The following ZXDC variants were observed in gnomAD, a reference collection of about 807,000 sequenced individuals.
ZXDC encodes the protein zinc finger protein ZXDC.
A neutral mutation model predicts 63.6 loss-of-function variants in ZXDC; 58 were observed. The observed-to-expected ratio is 0.91, with a 90% CI of 0.74 to 1.13. The LOEUF (loss-of-function observed/expected upper bound fraction) is 1.13. Among genes scored for constraint, ZXDC ranks in the 50% most tolerant of loss-of-function variants. ZXDC has a pLI of 0.00. For missense variants in ZXDC, 1,133 were observed against 1,148.9 expected, an observed-to-expected ratio of 0.99 and a Z score of 0.20; for synonymous variants, 561 against 496.1, an observed-to-expected ratio of 1.13 and a Z score of -1.74.
rs900509261 is a variant in ZXDC, at chr3:126,475,113, C to G, written c.753G>C (p.Thr251=). The G allele has an allele frequency of 1.2e-6, 2 of 1,610,684 alleles. No individual in the cohort carries two copies. The highest frequency in any genetic ancestry group is 1.7e-6 in the Non-Finnish European group (2 of 1,178,510). Residue 251 remains threonine, a synonymous_variant, in exon 1 of 10, where the codon ACG becomes ACC. Transcript: ENST00000389709. ...PVGGCGKKFT[T]VYNLKAHMKG... is the part of the protein sequence containing the mutation. Reference sequence around the variant, plus strand: ...TCATGTGCGCCTTGAGGTTATAGACCGTAGTGAACTTCTTGCCACAGCCGC... The same window carrying G: ...TCATGTGCGCCTTGAGGTTATAGACGGTAGTGAACTTCTTGCCACAGCCGC...
chr3:126,461,394 C>T, intron 6 of ZXDC, 141 bp downstream of exon 6: 1 of 1,424,904 alleles, frequency 7.0e-7, no homozygotes, highest in Non-Finnish European at 9.2e-7. Flanking sequence ...AAGAACTTGT[C>T]AGTTCCAGAC....
intron 7 of ZXDC, among the ~76,000 whole-genome samples, chr3:126,449,643 T>C (rs1410325805): frequency 4.6e-5 from 7 of 152,198 alleles, no homozygotes; most frequent in South Asian, 4.1e-4. Flanking sequence ...CTTTGTTAAA[T>C]AGAAGTTTCC....
chr3:126,471,518 T>C (rs800948), intron 3 of ZXDC, among the ~76,000 whole-genome samples: 137,681 of 152,090 alleles, frequency 0.91, 62,776 homozygotes, highest in East Asian at 0.99. Context: ...GAAAAACCAC[T>C]GAATCTCTCC....
At chr3:126,452,624 T>C (rs909165447) in intron 7 of ZXDC, 5 of 941,046 alleles carry the variant, frequency 5.3e-6, no homozygotes, top group Non-Finnish European at 5.1e-6. Context: ...TCTCAAGCTA[T>C]CTGATTAAGC....
intron 4 of ZXDC, among the ~76,000 whole-genome samples, chr3:126,467,883 TACA>T (rs1934836020): frequency 6.6e-6 from 1 of 152,188 alleles, no homozygotes; most frequent in African/African-American, 2.4e-5. Flanking sequence ...AGGGCCACGC[TACA>T]ACAGGACCCT....
At chr3:126,459,917 CT>C in intron 6 of ZXDC, 180 bp from the exon 7 acceptor site, 1 of 985,472 alleles carries the variant, frequency 1.0e-6, no homozygotes, top group Non-Finnish European at 1.2e-6. Flanking sequence ...GCCGAACAAA[CT>C]TGGAGCTGGA....
chr3:126,437,837 G>C lies in ZXDC; in HGVS notation c.*538C>G, dbSNP rs2107622788. ...TCCCCCGAAAACTAGCTGCCCGACT[G>C]CTCTACCAGACTTGGGCTAGAATTT... On this transcript the variant is annotated 3_prime_UTR_variant, in exon 10 of 10. Transcript: ENST00000389709. 1 of 156,054 alleles carries C rather than the reference G, an allele frequency of 6.4e-6. No homozygotes were observed. The highest frequency in any genetic ancestry group is 3.4e-3 in the Middle Eastern group (1 of 296). 9.7% of individuals were successfully genotyped at this position (156,054 alleles called of 1,614,324 possible).
At chr3:126,441,003 G>C (rs1001229778) in intron 8 of ZXDC, 1 of 985,460 alleles carries the variant, frequency 1.0e-6, no homozygotes, top group Admixed American at 6.1e-5. Context: ...AATCTACAAA[G>C]TGGAGTGGTG....
chr3:126,445,387 A>G (rs925885558), intron 7 of ZXDC, among the ~76,000 whole-genome samples: 1 of 151,962 alleles, frequency 6.6e-6, no homozygotes, highest in Non-Finnish European at 1.5e-5. Flanking sequence ...CCCTAGACAC[A>G]TCTCTGCACA....
At chr3:126,455,979 G>C (rs1410589998) in intron 7 of ZXDC, among the ~76,000 whole-genome samples, 1 of 150,954 alleles carries the variant, frequency 6.6e-6, no homozygotes, top group Non-Finnish European at 1.5e-5. Flanking sequence ...CAGCCGGGGC[G>C]ACAGAGCAAG....
chr3:126,471,899 C>T (rs1934994737), intron 3 of ZXDC, 74 bp downstream of exon 3: 1 of 1,241,028 alleles, frequency 8.1e-7, no homozygotes, highest in African/African-American at 1.5e-5. Flanking sequence ...ACAGATATTT[C>T]ATTCATTGGT....
intron 7 of ZXDC, chr3:126,454,646 A>T: frequency 3.0e-6 from 3 of 985,374 alleles, no homozygotes; most frequent in Non-Finnish European, 3.6e-6. Context: ...GACACAGGAT[A>T]CCCTTGGTTT....
chr3:126,470,856 C>T (rs753195073), intron 4 of ZXDC, 39 bp downstream of exon 4: 7 of 1,606,752 alleles, frequency 4.4e-6, no homozygotes, highest in Admixed American at 3.3e-5. Flanking sequence ...GTTGGCATTG[C>T]ACTTAGTTTA....
intron 6 of ZXDC, 131 bp from the exon 7 acceptor site, chr3:126,459,868 C>T: frequency 6.4e-7 from 1 of 1,558,834 alleles, no homozygotes; most frequent in Admixed American, 1.8e-5. Context: ...ACCAGCAAGG[C>T]ACACAAAGGG....
intron 9 of ZXDC, 139 bp downstream of exon 9, chr3:126,439,493 C>A: frequency 7.0e-7 from 1 of 1,424,306 alleles, no homozygotes; most frequent in South Asian, 1.3e-5. Flanking sequence ...GGCAGCAAGA[C>A]ATCCTGGCAA....
chr3:126,456,068 G>A (rs1934296982), intron 7 of ZXDC, among the ~76,000 whole-genome samples: 1 of 152,044 alleles, frequency 6.6e-6, no homozygotes, highest in Non-Finnish European at 1.5e-5. Flanking sequence ...TGAGGGAGAA[G>A]AGACAGCTCT....
intron 7 of ZXDC, chr3:126,459,175 C>G (rs754098250): frequency 1.0e-6 from 1 of 985,432 alleles, no homozygotes; most frequent in Non-Finnish European, 1.2e-6. Flanking sequence ...TTTAAAAATG[C>G]AAGTAAGTTG....
intron 7 of ZXDC, chr3:126,450,470 A>C (rs1397265039): frequency 2.2e-6 from 1 of 456,596 alleles, no homozygotes; most frequent in Non-Finnish European, 4.4e-6. Context: ...TGCATCCTCA[A>C]AGATGCCCTC....
At chr3:126,457,127 C>T in intron 7 of ZXDC, 1 of 393,580 alleles carries the variant, frequency 2.5e-6, no homozygotes, top group Non-Finnish European at 3.5e-6. Flanking sequence ...GCACATGGAA[C>T]CTGGAACAGG....
Sources: allele counts gnomAD v4.1 joint callset (sites outside exome capture counted in the v4.1 genomes callset), GRCh38; gene constraint gnomAD v4.1.1; transcripts MANE v1.5; gene names NCBI Gene and HGNC (gene_info 2026-07-23, HGNC 2026-07-21).